BCOR: variants seen among roughly 807,000 people sequenced by gnomAD.
BCOR encodes the protein BCL6 corepressor.
In BCOR, 10 loss-of-function variants were observed where a neutral mutation model predicts 86.7. The ratio of observed to expected loss-of-function variants is 0.12; its 90% confidence interval spans 0.07 to 0.20. BCOR has a LOEUF of 0.20. Ranked by LOEUF, BCOR falls within the 10% of genes least tolerant of loss-of-function variation. The probability of loss-of-function intolerance (pLI) is 1.00; values close to 1 mark genes in which losing one functional copy is unlikely to be tolerated. For synonymous variants in BCOR, 611 were observed against 609.0 expected, an observed-to-expected ratio of 1.00 and a Z score of -0.05; for missense variants, 1,259 against 1,452.1, an observed-to-expected ratio of 0.87 and a Z score of 2.16.
intron 1 of BCOR, among the ~76,000 whole-genome samples, chrX:40,158,390 G>A (rs1938343923): frequency 8.9e-6 from 1 of 111,969 alleles, no homozygotes; most frequent in Non-Finnish European, 1.9e-5. Context: ...CGGAGCCGCA[G>A]GCTGGGCCGG....
At chrX:40,131,193 C>T (rs1463124101) in intron 1 of BCOR, among the ~76,000 whole-genome samples, 1 of 112,101 alleles carries the variant, frequency 8.9e-6, no homozygotes. Flanking sequence ...CATTCGGAGC[C>T]CAGTGAGCTT....
At chrX:40,096,375 A>T (rs904930008) in intron 1 of BCOR, among the ~76,000 whole-genome samples, 3 of 111,736 alleles carry the variant, frequency 2.7e-5, no homozygotes, top group Admixed American at 9.3e-5. Context: ...TACGCTGAAC[A>T]TCGGGGAGGG....
intron 14 of BCOR, 127 bp downstream of exon 14, chrX:40,053,759 G>A (rs1193400691): frequency 1.4e-6 from 1 of 736,066 alleles, no homozygotes; most frequent in Non-Finnish European, 2.1e-6. Context: ...ACTGCATTGT[G>A]TGAGGTTCGT....
At position 40,062,766 on chromosome X, in the gene BCOR, C is replaced by T. The variant is rs577082253; in HGVS notation, c.4153G>A (p.Val1385Met). Reference protein sequence around the residue: ...RGLPLTGEYYVENADGKVTVR... With the variant: ...RGLPLTGEYYMENADGKVTVR... Reference sequence around the variant, plus strand: ...GGTACCTTGCCATCGGCATTCTCCACGTAGTATTCCCCTGTCAGTGGCAAT... The same window carrying T: ...GGTACCTTGCCATCGGCATTCTCCATGTAGTATTCCCCTGTCAGTGGCAAT... The change falls in exon 9 of 15, where the codon GTG becomes ATG. Residue 1385 changes from valine to methionine, a missense_variant. Physicochemically the swap from Val to Met is conservative, Grantham distance 21. Coordinates refer to ENST00000378444, the MANE Select transcript of BCOR (RefSeq NM_001123385.2). 1.3e-5 allele frequency: 16 copies of T among 1,208,977 alleles called. No homozygotes were observed. Among genetic ancestry groups the T allele is most frequent in the South Asian group, 8.8e-5 (5 of 56,681 alleles).
At chrX:40,083,249 G>T (rs182351389) in intron 1 of BCOR, among the ~76,000 whole-genome samples, 4 of 111,004 alleles carry the variant, frequency 3.6e-5, no homozygotes, top group African/African-American at 1.3e-4. Flanking sequence ...AGGCAAAACC[G>T]CAGGCTTCCA....
chrX:40,062,520 G>A, intron 9 of BCOR, 127 bp from the exon 10 acceptor site: 1 of 954,616 alleles, frequency 1.0e-6, no homozygotes, highest in Non-Finnish European at 1.4e-6. Flanking sequence ...CTTTTTTTGG[G>A]GGTGGGGGGT....
intron 1 of BCOR, among the ~76,000 whole-genome samples, chrX:40,139,637 C>G (rs1401081284): frequency 2.0e-5 from 2 of 98,814 alleles, no homozygotes; most frequent in Non-Finnish European, 4.1e-5. Flanking sequence ...CGGTGAAACC[C>G]TGTCTCTACT....
chrX:40,131,632 A>G (rs770117685), intron 1 of BCOR, among the ~76,000 whole-genome samples: 23 of 109,030 alleles, frequency 2.1e-4, no homozygotes, highest in Non-Finnish European at 4.0e-4. Context: ...CGGCAACAAG[A>G]GCGAAACTCT....
Position 40,074,108 on chromosome X carries a change from G to A in BCOR, c.1238C>T (p.Thr413Ile). The A allele has an allele frequency of 8.3e-7, 1 of 1,212,100 alleles. No homozygotes were observed. Among genetic ancestry groups the A allele is most frequent in the Non-Finnish European group, 1.1e-6 (1 of 895,544 alleles). Residue 413 changes from threonine to isoleucine, a missense_variant, in exon 4 of 15, where the codon ACA becomes ATA. Thr to Ile is a moderately conservative substitution (Grantham distance 89). Transcript: ENST00000378444. ...AQPVPGHARK[T>I]AVQDRKDGSS... ...GCCATCTTTTCTGTCTTGAACCGCT[G>A]TCTTCCGGGCATGCCCGGGCACTGG...
chrX:40,064,304 C>A (rs374241083), intron 7 of BCOR, 32 bp downstream of exon 7: 13 of 1,210,697 alleles, frequency 1.1e-5, no homozygotes, highest in Admixed American at 2.2e-5. Context: ...AGGCCCACCC[C>A]CCGGCAGGCG....
Position 40,063,013 on chromosome X carries a change from G to A in BCOR, c.3906C>T (p.Gly1302=), listed in dbSNP as rs1468988693. 6 of 1,168,181 alleles carry A rather than the reference G, an allele frequency of 5.1e-6. No individual in the cohort carries two copies. Among genetic ancestry groups the A allele is most frequent in the South Asian group, 1.9e-5 (1 of 52,811 alleles). Residue 1302 remains glycine, a synonymous_variant, in exon 9 of 15, where the codon GGC becomes GGT. Transcript: ENST00000378444. ...PMKSLSSTSA[G]GKKQAQPSCA... is the part of the protein sequence containing the mutation. ...AGCTTGGCTGAGCCTGCTTTTTGCC[G>A]CCTGCACTGGTGGATGAAAGACTCT...
chrX:40,090,757 G>C (rs1936573318), intron 1 of BCOR, among the ~76,000 whole-genome samples: 1 of 111,806 alleles, frequency 8.9e-6, no homozygotes, highest in African/African-American at 3.3e-5. Context: ...AAGGCGGGAA[G>C]GGGGGGACGG....
intron 1 of BCOR, among the ~76,000 whole-genome samples, chrX:40,155,100 A>G (rs990898013): frequency 5.4e-5 from 6 of 110,473 alleles, no homozygotes; most frequent in African/African-American, 2.0e-4. Context: ...GGGCTTAACC[A>G]GGCCGCTCGA....
intron 1 of BCOR, among the ~76,000 whole-genome samples, chrX:40,139,394 CATATATATATATATATATATAATAT>C (rs1913550066): frequency 2.0e-4 from 1 of 4,894 alleles, no homozygotes; most frequent in Non-Finnish European, 4.4e-4. Flanking sequence ...AATATATATA[CATATATATATATATATATATAATAT>C]ATATACATAT....
intron 2 of BCOR, chrX:40,077,541 C>G (rs1602164275): frequency 3.1e-6 from 1 of 323,908 alleles, no homozygotes; most frequent in Non-Finnish European, 5.4e-6. Flanking sequence ...CCTGGGCCCA[C>G]ACTCCTGACA....
chrX:40,122,082 T>C (rs896800949), intron 1 of BCOR, among the ~76,000 whole-genome samples: 2 of 111,322 alleles, frequency 1.8e-5, no homozygotes, highest in African/African-American at 3.3e-5. Context: ...CCAAGAACAG[T>C]CTCTCCTCTA....
At chrX:40,084,650 CT>C (rs1312215410) in intron 1 of BCOR, among the ~76,000 whole-genome samples, 1 of 111,152 alleles carries the variant, frequency 9.0e-6, no homozygotes, top group Non-Finnish European at 1.9e-5. Flanking sequence ...TGTCAATGCA[CT>C]TTTGTTTCCA....
At chrX:40,128,471 G>A (rs193223502) in intron 1 of BCOR, among the ~76,000 whole-genome samples, 5 of 110,906 alleles carry the variant, frequency 4.5e-5, no homozygotes, top group South Asian at 3.8e-4. Context: ...GCTTGAACCC[G>A]GAAAGCAGAG....
chrX:40,176,399 C>CA (rs1437564406), intron 1 of BCOR, among the ~76,000 whole-genome samples: 3 of 112,930 alleles, frequency 2.7e-5, no homozygotes, highest in African/African-American at 9.6e-5. Flanking sequence ...GCCCCCCCGC[C>CA]ATGCGTAATG....
Sources: allele counts gnomAD v4.1 joint callset (sites outside exome capture counted in the v4.1 genomes callset), GRCh38; gene constraint gnomAD v4.1.1; transcripts MANE v1.5; gene names NCBI Gene and HGNC (gene_info 2026-07-23, HGNC 2026-07-21).